Variants in ARIH1 observed in about 807,000 individuals in gnomAD.
ARIH1 encodes the protein ariadne RBR E3 ubiquitin protein ligase 1.
ARIH1 carries 8 observed loss-of-function variants against 85.0 expected under a neutral mutation model. The ratio of observed to expected loss-of-function variants is 0.09; its 90% CI spans 0.06 to 0.17. The LOEUF is 0.17. ARIH1 is among the 10% of genes least tolerant of loss of function. ARIH1 has a pLI of 1.00. For missense variants in ARIH1, 311 were observed against 718.1 expected (o/e 0.43, Z 6.48); for synonymous variants, 238 against 253.6 (o/e 0.94, Z 0.59).
intron 1 of ARIH1, among the ~76,000 whole-genome samples, chr15:72,480,826 A>G (rs1045964253): frequency 2.0e-5 from 3 of 152,064 alleles, no homozygotes; most frequent in Non-Finnish European, 2.9e-5. Flanking sequence ...CGGCCTCCCA[A>G]AGTTCTGGGA....
At chr15:72,520,019 C>G (rs2063992588) in intron 2 of ARIH1, among the ~76,000 whole-genome samples, 1 of 151,996 alleles carries the variant, frequency 6.6e-6, no homozygotes, top group Non-Finnish European at 1.5e-5. Flanking sequence ...AAATATTGTA[C>G]TTAATATTTG....
At position 72,591,006 on chromosome 15, in the gene ARIH1, G is replaced by C. The variant is rs1343801182; in HGVS notation, c.*7714G>C. ...TAGGAGGCTGAGGCAGGTGGATCAC[G>C]AGGTCGGGAGTTCGAGACCAGCCTG... On this transcript the variant is annotated 3_prime_UTR_variant, in exon 14 of 14. Transcript: ENST00000379887. 1 of 151,984 alleles carries C rather than the reference G, an allele frequency of 6.6e-6. No homozygotes were observed. The highest frequency in any genetic ancestry group is 1.5e-5 in the Non-Finnish European group (1 of 68,014). 9.4% of individuals were successfully genotyped at this position (151,984 alleles called of 1,614,324 possible). A position where few individuals can be genotyped will look rare whatever the true frequency, so the allele number is the denominator to read the frequency against.
At chr15:72,508,894 A>C (rs1343092644) in intron 1 of ARIH1, among the ~76,000 whole-genome samples, 1 of 151,566 alleles carries the variant, frequency 6.6e-6, no homozygotes, top group Non-Finnish European at 1.5e-5. Flanking sequence ...AGGTTTCACC[A>C]TATTGGTCAG....
At chr15:72,495,589 A>G (rs1285051587) in intron 1 of ARIH1, among the ~76,000 whole-genome samples, 1 of 152,220 alleles carries the variant, frequency 6.6e-6, no homozygotes, top group African/African-American at 2.4e-5. Context: ...CCTATAAACA[A>G]AAGTTTCCTG....
chr15:72,539,398 G>T (rs989686912), intron 2 of ARIH1, among the ~76,000 whole-genome samples: 3 of 151,946 alleles, frequency 2.0e-5, no homozygotes, highest in African/African-American at 7.3e-5. Context: ...TGAGATGAGG[G>T]ATCAGAGGTA....
Position 72,555,300 on chromosome 15 carries a change from G to A in ARIH1, c.618G>A (p.Lys206=). 23 of 1,613,780 alleles carry A rather than the reference G, an allele frequency of 1.4e-5. No individual in the cohort carries two copies. The highest frequency in any genetic ancestry group is 1.9e-5 in the Non-Finnish European group (23 of 1,179,728). The change falls in exon 4 of 14, where the codon AAG becomes AAA. Residue 206 remains lysine, a synonymous_variant. Coordinates refer to ENST00000379887, the MANE Select transcript of ARIH1 (RefSeq NM_005744.5). ...TCACTGGCCTTGAATGTGGACATAAGTTTTGTATGCAGTGCTGGAGTGAAT... is the reference window on the plus strand; with the variant it reads ...TCACTGGCCTTGAATGTGGACATAAATTTTGTATGCAGTGCTGGAGTGAAT... ...SYFTGLECGH[K]FCMQCWSEYL... is the part of the protein sequence containing the mutation.
chr15:72,513,911 A>G (rs1032136871), intron 1 of ARIH1, among the ~76,000 whole-genome samples: 1 of 143,616 alleles, frequency 7.0e-6, no homozygotes, highest in African/African-American at 2.6e-5. Context: ...GTCTTGTCTG[A>G]GGCTGGAAGG....
intron 11 of ARIH1, among the ~76,000 whole-genome samples, chr15:72,574,042 T>C (rs989826937): frequency 2.6e-5 from 4 of 152,212 alleles, no homozygotes; most frequent in Non-Finnish European, 4.4e-5. Context: ...CACCTTTTTT[T>C]CTCCATTAAC....
At chr15:72,562,961 C>T (rs1035207020) in intron 6 of ARIH1, among the ~76,000 whole-genome samples, 1 of 150,232 alleles carries the variant, frequency 6.7e-6, no homozygotes, top group African/African-American at 2.4e-5. Flanking sequence ...TTTTCATAAG[C>T]TTGTGTAATT....
intron 5 of ARIH1, 40 bp downstream of exon 5, chr15:72,555,947 A>G (rs2140429429): frequency 6.4e-7 from 1 of 1,555,698 alleles, no homozygotes; most frequent in Admixed American, 1.7e-5. Context: ...AATATTGGTT[A>G]GTTGGTTAAA....
rs1020095247 is a variant in ARIH1 at position 72,585,046 on chromosome 15, T to C, written c.*1754T>C. On this transcript the variant is annotated 3_prime_UTR_variant, in exon 14 of 14. Coordinates refer to ENST00000379887, the MANE Select transcript of ARIH1 (RefSeq NM_005744.5). ...TTACACTGTACATCCTATTACTCCA[T>C]TGGGAAGTAGGTTCACTTTCCTCTG... is the stretch of plus-strand genomic sequence containing the variant. The C allele has an allele frequency of 6.6e-6, 1 of 152,090 alleles. No individual in the cohort carries two copies. Among genetic ancestry groups the C allele is most frequent in the African/African-American group, 2.4e-5 (1 of 41,420 alleles). 9.4% of individuals were successfully genotyped at this position (152,090 alleles called of 1,614,324 possible).
chr15:72,510,237 TCTC>T (rs568805473), intron 1 of ARIH1, among the ~76,000 whole-genome samples: 3 of 152,240 alleles, frequency 2.0e-5, no homozygotes, highest in Admixed American at 6.5e-5. Context: ...GCAGGTATCT[TCTC>T]CTAGTCTGTG....
At chr15:72,492,609 T>C (rs1296586671) in intron 1 of ARIH1, among the ~76,000 whole-genome samples, 1 of 152,230 alleles carries the variant, frequency 6.6e-6, no homozygotes, top group African/African-American at 2.4e-5. Flanking sequence ...TGGAAACGTA[T>C]GTACATAATT....
chr15:72,475,084 C>G lies in ARIH1; in HGVS notation c.375+70C>G, dbSNP rs1470066393. 3.3e-6 allele frequency: 5 copies of G among 1,536,382 alleles called. No individual in the cohort carries two copies. In the African/African-American group the frequency reaches 5.5e-5, roughly 17 times the overall value. Reference sequence around the variant, plus strand: ...GCGGATTCAGGCGGCACGCGCGGTCCCGAGGGACAGGCCTGGGCCTGGTGC... The same window carrying G: ...GCGGATTCAGGCGGCACGCGCGGTCGCGAGGGACAGGCCTGGGCCTGGTGC... On this transcript the variant is annotated intron_variant, in intron 1 of 13. Transcript: ENST00000379887.
Position 72,599,720 on chromosome 15 carries a change from G to A in ARIH1, c.*16428G>A, listed in dbSNP as rs2064375531. ...TTTTATGTAACTATTTTAACAACCTGAGGACTTTTACAGGCTGCATAATAT... is the reference window on the plus strand; with the variant it reads ...TTTTATGTAACTATTTTAACAACCTAAGGACTTTTACAGGCTGCATAATAT... On this transcript the variant is annotated 3_prime_UTR_variant, in exon 14 of 14. Coordinates refer to ENST00000379887, the MANE Select transcript of ARIH1 (RefSeq NM_005744.5). The A allele has an allele frequency of 6.6e-6, 1 of 152,106 alleles. No individual in the cohort carries two copies. The highest frequency in any genetic ancestry group is 2.1e-4 in the South Asian group (1 of 4,820). 9.4% of individuals were successfully genotyped at this position (152,106 alleles called of 1,614,324 possible).
chr15:72,560,980 C>A (rs1265989749), intron 5 of ARIH1, among the ~76,000 whole-genome samples: 1 of 152,162 alleles, frequency 6.6e-6, no homozygotes, highest in Non-Finnish European at 1.5e-5. Flanking sequence ...TGGTTAATTT[C>A]TAAGAGCTCT....
At chr15:72,484,785 A>G (rs1180829689) in intron 1 of ARIH1, among the ~76,000 whole-genome samples, 3 of 68,236 alleles carry the variant, frequency 4.4e-5, no homozygotes, top group Non-Finnish European at 1.6e-4. Context: ...ATATACATAT[A>G]TATACACACA....
At chr15:72,568,256 A>T (rs1215178439) in intron 9 of ARIH1, among the ~76,000 whole-genome samples, 1 of 150,026 alleles carries the variant, frequency 6.7e-6, no homozygotes, top group Non-Finnish European at 1.5e-5. Context: ...TTTTGTTATT[A>T]AAAAAAAATT....
chr15:72,479,986 G>A (rs1449876997), intron 1 of ARIH1, among the ~76,000 whole-genome samples: 2 of 151,836 alleles, frequency 1.3e-5, no homozygotes, highest in Admixed American at 1.3e-4. Flanking sequence ...TTCTGCCTCA[G>A]CCTCCCGAGT....
Sources: allele counts gnomAD v4.1 joint callset (sites outside exome capture counted in the v4.1 genomes callset), GRCh38; gene constraint gnomAD v4.1.1; transcripts MANE v1.5; gene names NCBI Gene and HGNC (gene_info 2026-07-23, HGNC 2026-07-21).